The following SNTB1 variants were observed in gnomAD, a reference collection of about 807,000 sequenced individuals.
The protein encoded by SNTB1 is beta-1-syntrophin.
A neutral mutation model predicts 48.9 loss-of-function variants in SNTB1; 36 were observed. The ratio of observed to expected loss-of-function variants is 0.74; its 90% CI spans 0.56 to 0.97. SNTB1 has a LOEUF of 0.97. Ranked by LOEUF, SNTB1 falls within the 50% of genes least tolerant of loss-of-function variation. The pLI is 0.00. For synonymous variants in SNTB1, 299 were observed against 294.6 expected (o/e 1.01, Z -0.15); for missense variants, 786 against 703.4 (o/e 1.12, Z -1.33).
chr8:120,574,496 T>G (rs567797773), intron 4 of SNTB1, among the ~76,000 whole-genome samples: 71 of 152,332 alleles, frequency 4.7e-4, no homozygotes, highest in African/African-American at 1.7e-3. Flanking sequence ...ATTGTATACA[T>G]TAAATATGTA....
chr8:120,750,204 G>A (rs1329001430), intron 1 of SNTB1, among the ~76,000 whole-genome samples: 4 of 128,568 alleles, frequency 3.1e-5, no homozygotes, highest in South Asian at 5.3e-4. Flanking sequence ...ACCATTGCCC[G>A]CTTCCTTTAC....
intron 1 of SNTB1, among the ~76,000 whole-genome samples, chr8:120,793,900 T>C (rs528621149): frequency 7.2e-5 from 11 of 152,202 alleles, no homozygotes; most frequent in Admixed American, 2.6e-4. Context: ...AGAACTTTTA[T>C]AGTGTGACTA....
chr8:120,736,746 C>T (rs1385435574), intron 1 of SNTB1, among the ~76,000 whole-genome samples: 1 of 152,150 alleles, frequency 6.6e-6, no homozygotes, highest in Non-Finnish European at 1.5e-5. Context: ...GCCTTAGAAA[C>T]AGGAAGCTGG....
chr8:120,618,009 AGC>A (rs1224750934), intron 3 of SNTB1, among the ~76,000 whole-genome samples: 1 of 152,198 alleles, frequency 6.6e-6, no homozygotes, highest in African/African-American at 2.4e-5. Context: ...TTAGTGCTCT[AGC>A]CACCTAAGAT....
chr8:120,623,376 G>C (rs1333989058), intron 3 of SNTB1, among the ~76,000 whole-genome samples: 1 of 152,152 alleles, frequency 6.6e-6, no homozygotes, highest in Admixed American at 6.5e-5. Context: ...TTATCAGCTG[G>C]ACCAGCTACA....
rs1273761913 is a variant in SNTB1, at chr8:120,538,310, T to G, written c.*567A>C. 4.4e-6 allele frequency: 1 copy of G among 228,270 alleles called. No homozygotes were observed. The highest frequency in any genetic ancestry group is 2.2e-5 in the African/African-American group (1 of 45,216). 14.1% of individuals were successfully genotyped at this position (228,270 alleles called of 1,614,324 possible). The stretch of plus-strand genomic sequence containing the variant: ...TTCTACACCATTGAAAGATAATTCA[T>G]TTTTTAAAAAGTAACAGCTGCTTCA... On this transcript the variant is annotated 3_prime_UTR_variant, in exon 7 of 7. Transcript: ENST00000517992.
intron 3 of SNTB1, among the ~76,000 whole-genome samples, chr8:120,631,324 C>G (rs927865856): frequency 6.6e-6 from 1 of 152,186 alleles, no homozygotes; most frequent in Non-Finnish European, 1.5e-5. Context: ...CCAGCATTGT[C>G]CCTTTCGTTC....
At chr8:120,797,551 T>C (rs1377999693) in intron 1 of SNTB1, among the ~76,000 whole-genome samples, 2 of 131,442 alleles carry the variant, frequency 1.5e-5, no homozygotes, top group African/African-American at 6.3e-5. Flanking sequence ...TTTCTCTTTT[T>C]TTTTTTTTTT....
chr8:120,568,703 T>C (rs915055751), intron 4 of SNTB1, among the ~76,000 whole-genome samples: 1 of 152,218 alleles, frequency 6.6e-6, no homozygotes, highest in African/African-American at 2.4e-5. Context: ...TTCGAGAGGA[T>C]AGAGTGAGAA....
At chr8:120,539,056 G>T (rs1815244330) in intron 6 of SNTB1, 87 bp from the exon 7 acceptor site, 2 of 919,326 alleles carry the variant, frequency 2.2e-6, no homozygotes, top group African/African-American at 1.7e-5. Flanking sequence ...GAATCTATAT[G>T]CACTTCCTTC....
chr8:120,714,278 C>G (rs1287377059), intron 1 of SNTB1, among the ~76,000 whole-genome samples: 1 of 152,092 alleles, frequency 6.6e-6, no homozygotes, highest in East Asian at 1.9e-4. Flanking sequence ...GCAGTGCGTG[C>G]AAGCCATCCA....
chr8:120,736,392 G>T (rs775205484), intron 1 of SNTB1, among the ~76,000 whole-genome samples: 1 of 152,150 alleles, frequency 6.6e-6, no homozygotes, highest in Non-Finnish European at 1.5e-5. Flanking sequence ...TTAGACAAAC[G>T]TAAGACTCTG....
intron 2 of SNTB1, among the ~76,000 whole-genome samples, chr8:120,645,296 G>C: frequency 6.6e-6 from 1 of 151,130 alleles, no homozygotes; most frequent in East Asian, 1.9e-4. Context: ...TATGGTTTTA[G>C]GTCTAACGTT....
chr8:120,657,679 G>T (rs1454594387), intron 2 of SNTB1, among the ~76,000 whole-genome samples: 1 of 152,112 alleles, frequency 6.6e-6, no homozygotes, highest in East Asian at 1.9e-4. Flanking sequence ...CATTATGTCA[G>T]AGTTTCATGT....
rs138833312 is a variant in SNTB1 at position 120,740,419 on chromosome 8, G to A, written c.572-46511C>T. Among the ~76,000 whole-genome samples the A allele has an allele frequency of 7.6e-4, 115 of 152,198 alleles. No homozygotes were observed. In the Middle Eastern group the frequency reaches 0.017, roughly 23 times the overall value. ...CACAATAATAATAACTAATATTTAC[G>A]GAGCATTTCCATGTGTCAGACATAT... On this transcript the variant is annotated intron_variant, in intron 1 of 6. Transcript: ENST00000517992.
chr8:120,810,404 A>G lies in SNTB1; in HGVS notation c.571+869T>C, dbSNP rs139149761. 5.0e-3 allele frequency among the ~76,000 whole-genome samples: 763 copies of G among 152,274 alleles called. 8 individuals carry two copies. Among genetic ancestry groups the G allele is most frequent in the African/African-American group, 0.017 (724 of 41,546 alleles). ...AAACGGTGGTTCCTATTCTATTCAC[A>G]TTCAACAATGAGGGGACTGGGGACA... On this transcript the variant is annotated intron_variant, in intron 1 of 6. Transcript: ENST00000517992.
chr8:120,801,712 C>T (rs1349844545), intron 1 of SNTB1, among the ~76,000 whole-genome samples: 1 of 151,886 alleles, frequency 6.6e-6, no homozygotes, highest in South Asian at 2.1e-4. Context: ...TCTTAAAATC[C>T]CTGGAGACTT....
chr8:120,633,994 C>T (rs1235227026), intron 2 of SNTB1, among the ~76,000 whole-genome samples: 2 of 152,074 alleles, frequency 1.3e-5, no homozygotes, highest in African/African-American at 4.8e-5. Flanking sequence ...AGAACTACTC[C>T]ATCACCACAA....
chr8:120,731,535 T>C (rs1257275926), intron 1 of SNTB1, among the ~76,000 whole-genome samples: 2 of 152,242 alleles, frequency 1.3e-5, no homozygotes, highest in Admixed American at 1.3e-4. Context: ...CCAAGGCGTC[T>C]AGTCCTGATT....
Sources: gnomAD v4.1 joint callset for allele counts (sites outside exome capture counted in the v4.1 genomes callset) on GRCh38, gnomAD v4.1.1 for gene constraint, MANE v1.5 for transcripts, NCBI Gene and HGNC (gene_info 2026-07-23, HGNC 2026-07-21) for gene names.